The following ADARB2 variants were observed in gnomAD, a reference collection of about 807,000 sequenced individuals.
ADARB2 encodes adenosine deaminase RNA specific B2 (inactive), also known as inactive double-stranded RNA-specific editase B2.
In ADARB2, 25 loss-of-function variants were observed where a neutral mutation model predicts 62.2. That is an observed-to-expected ratio of 0.40 (90% CI 0.29 to 0.56). The LOEUF is 0.56. Among genes scored for constraint, ADARB2 ranks in the 20% least tolerant of loss-of-function variants. The pLI, the probability that ADARB2 is intolerant of heterozygous loss-of-function variation, is 0.43. For missense variants in ADARB2, 1,071 were observed against 1,077.4 expected (o/e 0.99, Z 0.08); for synonymous variants, 572 against 500.8 (o/e 1.14, Z -1.90).
intron 1 of ADARB2, among the ~76,000 whole-genome samples, chr10:1,567,840 T>A (rs1252873453): frequency 1.3e-5 from 2 of 152,358 alleles, no homozygotes; most frequent in African/African-American, 4.8e-5. Flanking sequence ...TGGATGGTTA[T>A]GTGCCTCACT....
At chr10:1,534,806 A>C (rs1832304397) in intron 1 of ADARB2, 1 of 167,054 alleles carries the variant, frequency 6.0e-6, no homozygotes, top group African/African-American at 2.4e-5. Context: ...CTTCCCTTTC[A>C]AATGAAAGGA....
intron 1 of ADARB2, among the ~76,000 whole-genome samples, chr10:1,519,507 T>C (rs1479940337): frequency 6.6e-6 from 1 of 152,176 alleles, no homozygotes; most frequent in Non-Finnish European, 1.5e-5. Context: ...TACTTTTGTG[T>C]CTGAGGAGCT....
At chr10:1,416,959 A>AC (rs990451418) in intron 1 of ADARB2, among the ~76,000 whole-genome samples, 5 of 151,926 alleles carry the variant, frequency 3.3e-5, no homozygotes, top group Admixed American at 6.6e-5. Context: ...GAGACATCAG[A>AC]CCCCCCGGCT....
intron 1 of ADARB2, among the ~76,000 whole-genome samples, chr10:1,394,095 G>A (rs1257472311): frequency 6.6e-6 from 1 of 152,194 alleles, no homozygotes; most frequent in Admixed American, 6.5e-5. Context: ...AAGAGAAAGC[G>A]CAGAGCCATC....
intron 1 of ADARB2, among the ~76,000 whole-genome samples, chr10:1,420,478 G>A (rs540456977): frequency 6.6e-6 from 1 of 152,064 alleles, no homozygotes; most frequent in East Asian, 1.9e-4. Context: ...ATTATAAGAG[G>A]TTTATAAAAT....
chr10:1,294,415 T>G (rs896883602), intron 3 of ADARB2, among the ~76,000 whole-genome samples: 3 of 152,122 alleles, frequency 2.0e-5, no homozygotes, highest in African/African-American at 7.2e-5. Flanking sequence ...AATTCCTCAT[T>G]TCTGTCAGCC....
At chr10:1,384,955 T>A (rs1169137357) in intron 1 of ADARB2, among the ~76,000 whole-genome samples, 2 of 152,172 alleles carry the variant, frequency 1.3e-5, no homozygotes, top group Non-Finnish European at 2.9e-5. Context: ...GGCGGAGTCA[T>A]AGATCACTGA....
At chr10:1,537,692 C>A (rs1832351433) in intron 1 of ADARB2, among the ~76,000 whole-genome samples, 1 of 152,154 alleles carries the variant, frequency 6.6e-6, no homozygotes, top group African/African-American at 2.4e-5. Flanking sequence ...AACCATCATC[C>A]TCAGCAAACT....
intron 1 of ADARB2, among the ~76,000 whole-genome samples, chr10:1,385,155 G>A (rs1832515175): frequency 6.6e-6 from 1 of 152,134 alleles, no homozygotes; most frequent in African/African-American, 2.4e-5. Flanking sequence ...TAATCTACCT[G>A]CTAGAAGAAA....
intron 3 of ADARB2, among the ~76,000 whole-genome samples, chr10:1,330,750 G>A (rs1187963880): frequency 6.6e-6 from 1 of 152,082 alleles, no homozygotes; most frequent in African/African-American, 2.4e-5. Flanking sequence ...TAGATAAATT[G>A]GGCTTCATCA....
chr10:1,191,528 C>T (rs7916005), intron 8 of ADARB2, among the ~76,000 whole-genome samples: 27,135 of 152,120 alleles, frequency 0.18, 2,816 homozygotes, highest in East Asian at 0.3. Flanking sequence ...GAATAACGCC[C>T]TCGCTACCTG....
chr10:1,544,505 C>T (rs911963844), intron 1 of ADARB2, among the ~76,000 whole-genome samples: 31 of 152,158 alleles, frequency 2.0e-4, no homozygotes, highest in Non-Finnish European at 7.3e-5. Context: ...CCAGAGGACC[C>T]AGCCAGAGTC....
chr10:1,543,127 TTCCCTGCTC>T (rs1339794500), intron 1 of ADARB2, among the ~76,000 whole-genome samples: 1 of 152,214 alleles, frequency 6.6e-6, no homozygotes, highest in Non-Finnish European at 1.5e-5. Context: ...GTGGGGTGGC[TTCCCTGCTC>T]TCCCTGCTCT....
chr10:1,535,892 G>T (rs1426013967), intron 1 of ADARB2, among the ~76,000 whole-genome samples: 1 of 152,204 alleles, frequency 6.6e-6, no homozygotes, highest in Non-Finnish European at 1.5e-5. Context: ...TGTGGTCAGG[G>T]CCTGTCTGGG....
intron 1 of ADARB2, among the ~76,000 whole-genome samples, chr10:1,638,880 C>T (rs186678671): frequency 4.1e-4 from 63 of 152,324 alleles, no homozygotes; most frequent in East Asian, 2.5e-3. Flanking sequence ...ACTTCTCATC[C>T]GTGCTCCCTC....
chr10:1,226,935 G>C (rs1830752837), intron 6 of ADARB2, among the ~76,000 whole-genome samples: 1 of 152,254 alleles, frequency 6.6e-6, no homozygotes, highest in African/African-American at 2.4e-5. Flanking sequence ...AGCTGTCAGA[G>C]AGGGACATTT....
At chr10:1,385,822 CTG>C (rs1257081023) in intron 1 of ADARB2, among the ~76,000 whole-genome samples, 1 of 152,106 alleles carries the variant, frequency 6.6e-6, no homozygotes, top group Non-Finnish European at 1.5e-5. Context: ...CTGAAGAAGA[CTG>C]TACCAATCAG....
chr10:1,565,047 A>G (rs1201527320), intron 1 of ADARB2, among the ~76,000 whole-genome samples: 2 of 152,192 alleles, frequency 1.3e-5, no homozygotes, highest in African/African-American at 4.8e-5. Context: ...CCTCCCGTGC[A>G]GGGCTCTCCG....
At chr10:1,336,815 G>T (rs1831978278) in intron 3 of ADARB2, among the ~76,000 whole-genome samples, 1 of 152,138 alleles carries the variant, frequency 6.6e-6, no homozygotes, top group Admixed American at 6.5e-5. Flanking sequence ...CTTGCAGGAT[G>T]TTTCAGCTCA....
Sources: gnomAD v4.1 joint callset for allele counts (sites outside exome capture counted in the v4.1 genomes callset) on GRCh38, gnomAD v4.1.1 for gene constraint, MANE v1.5 for transcripts, NCBI Gene and HGNC (gene_info 2026-07-23, HGNC 2026-07-21) for gene names.